CNTNAP5: variants seen among roughly 807,000 people sequenced by gnomAD.
CNTNAP5 encodes contactin-associated protein-like 5.
A neutral mutation model predicts 150.2 loss-of-function variants in CNTNAP5; 72 were observed. That is an observed-to-expected ratio of 0.48 (90% CI 0.40 to 0.58). The LOEUF is 0.58. CNTNAP5 is among the 20% of genes least tolerant of loss of function. The pLI is 0.00. For missense variants in CNTNAP5, 1,636 were observed against 1,626.2 expected, an observed-to-expected ratio of 1.01 and a Z score of -0.10; for synonymous variants, 672 against 619.8, an observed-to-expected ratio of 1.08 and a Z score of -1.25.
chr2:124,713,253 CTTTCT>C lies in CNTNAP5; in HGVS notation c.2078-33973_2078-33969del, dbSNP rs1467533955. Among the ~76,000 whole-genome samples, 38 of 97,464 alleles carry C rather than the reference CTTTCT, an allele frequency of 3.9e-4. 3 individuals are homozygous for C. The highest frequency in any genetic ancestry group is 6.9e-4 in the Non-Finnish European group (31 of 45,128). The allele number at this position is 97,464 out of a possible 152,430, so 63.9% of individuals were successfully genotyped here. A position where few individuals can be genotyped will look rare whatever the true frequency, so the allele number is the denominator to read the frequency against. ...TTTCTTTCTTTCTTTCTCTTTCTTT[CTTTCT>C]TTCTTTCTTTCTTTCTTTCTTTCTT... On this transcript the variant is annotated intron_variant, in intron 13 of 23. Coordinates refer to ENST00000682447, the MANE Select transcript of CNTNAP5 (RefSeq NM_001367498.1).
intron 19 of CNTNAP5, among the ~76,000 whole-genome samples, chr2:124,846,372 T>G (rs1294542003): frequency 6.6e-6 from 1 of 152,198 alleles, no homozygotes; most frequent in African/African-American, 2.4e-5. Flanking sequence ...ATTGGACTGC[T>G]GAGACTTTCC....
At chr2:124,083,283 G>T (rs1682600882) in intron 1 of CNTNAP5, among the ~76,000 whole-genome samples, 1 of 152,160 alleles carries the variant, frequency 6.6e-6, no homozygotes, top group Admixed American at 6.5e-5. Context: ...GAGAGGTGAG[G>T]TTGCAGTGCA....
intron 10 of CNTNAP5, among the ~76,000 whole-genome samples, chr2:124,534,852 C>T (rs1489826838): frequency 6.6e-6 from 1 of 152,184 alleles, no homozygotes; most frequent in Non-Finnish European, 1.5e-5. Flanking sequence ...TCTTGTGACA[C>T]CAGTCCTGTT....
At chr2:124,224,556 A>T (rs1276034423) in intron 2 of CNTNAP5, among the ~76,000 whole-genome samples, 1 of 151,980 alleles carries the variant, frequency 6.6e-6, no homozygotes, top group African/African-American at 2.4e-5. Context: ...ATACAGTCAG[A>T]GTCTGTCATA....
intron 1 of CNTNAP5, among the ~76,000 whole-genome samples, chr2:124,179,407 G>T (rs185576743): frequency 6.6e-6 from 1 of 152,046 alleles, no homozygotes; most frequent in East Asian, 1.9e-4. Context: ...TGATCTGCCC[G>T]CCTTGACCTC....
intron 1 of CNTNAP5, among the ~76,000 whole-genome samples, chr2:124,130,710 T>A (rs1683823870): frequency 6.6e-6 from 1 of 152,064 alleles, no homozygotes; most frequent in Admixed American, 6.6e-5. Context: ...TTATATTTAA[T>A]TATTTCAAGG....
At chr2:124,730,718 T>A (rs1365230916) in intron 13 of CNTNAP5, among the ~76,000 whole-genome samples, 5 of 152,140 alleles carry the variant, frequency 3.3e-5, no homozygotes, top group African/African-American at 1.2e-4. Flanking sequence ...ATTTCATATA[T>A]TTTATGATTG....
intron 11 of CNTNAP5, among the ~76,000 whole-genome samples, chr2:124,570,166 C>T (rs1351082433): frequency 2.0e-5 from 3 of 152,150 alleles, no homozygotes; most frequent in Non-Finnish European, 4.4e-5. Context: ...GATATCCACT[C>T]TTTGATGTAT....
intron 22 of CNTNAP5, among the ~76,000 whole-genome samples, chr2:124,904,153 T>G (rs2264250): frequency 6.6e-6 from 1 of 151,394 alleles, no homozygotes; most frequent in Non-Finnish European, 1.5e-5. Flanking sequence ...ACACACCAGC[T>G]CCTGACAACC....
At chr2:124,470,711 T>C (rs1421720977) in intron 6 of CNTNAP5, among the ~76,000 whole-genome samples, 1 of 152,202 alleles carries the variant, frequency 6.6e-6, no homozygotes, top group Non-Finnish European at 1.5e-5. Context: ...GTTTTACATT[T>C]AAGTCTTTAA....
intron 1 of CNTNAP5, among the ~76,000 whole-genome samples, chr2:124,216,360 G>GT (rs961591709): frequency 9.9e-5 from 15 of 151,244 alleles, no homozygotes; most frequent in Middle Eastern, 3.4e-3. Context: ...TTGCATCAGA[G>GT]TTTTTTTTTA....
At chr2:124,329,228 G>T (rs1000159719) in intron 3 of CNTNAP5, among the ~76,000 whole-genome samples, 14 of 152,130 alleles carry the variant, frequency 9.2e-5, no homozygotes, top group African/African-American at 3.1e-4. Flanking sequence ...CATAGATAAA[G>T]TCTCCCAGGT....
At chr2:124,619,198 G>T (rs1677552058) in intron 12 of CNTNAP5, among the ~76,000 whole-genome samples, 1 of 152,122 alleles carries the variant, frequency 6.6e-6, no homozygotes, top group Non-Finnish European at 1.5e-5. Flanking sequence ...AATCTAATTG[G>T]GTCGGTAGGG....
At chr2:124,285,180 T>TATTCG (rs1688116718) in intron 3 of CNTNAP5, among the ~76,000 whole-genome samples, 2 of 152,218 alleles carry the variant, frequency 1.3e-5, no homozygotes, top group Non-Finnish European at 2.9e-5. Flanking sequence ...TTCTCTTCAC[T>TATTCG]GATAGTTATT....
chr2:124,135,992 A>G (rs1038472109), intron 1 of CNTNAP5, among the ~76,000 whole-genome samples: 3 of 152,148 alleles, frequency 2.0e-5, no homozygotes, highest in African/African-American at 7.2e-5. Flanking sequence ...TGAACCTTAA[A>G]TCTAGGTGAA....
chr2:124,463,415 C>A (rs1003952077), intron 6 of CNTNAP5, among the ~76,000 whole-genome samples: 3 of 152,038 alleles, frequency 2.0e-5, no homozygotes, highest in African/African-American at 7.2e-5. Flanking sequence ...TAAGGACAAC[C>A]AAAACAATAA....
intron 17 of CNTNAP5, among the ~76,000 whole-genome samples, chr2:124,774,324 A>G (rs560977702): frequency 6.6e-6 from 1 of 152,188 alleles, no homozygotes; most frequent in East Asian, 1.9e-4. Context: ...AGGTTTGTGC[A>G]ACTTTTAGCT....
At chr2:124,813,498 A>G (rs1190816932) in intron 19 of CNTNAP5, among the ~76,000 whole-genome samples, 1 of 151,476 alleles carries the variant, frequency 6.6e-6, no homozygotes, top group Non-Finnish European at 1.5e-5. Context: ...CCAAATCTAT[A>G]TGCCTAGCTT....
At chr2:124,270,378 C>A (rs1308834629) in intron 3 of CNTNAP5, among the ~76,000 whole-genome samples, 1 of 152,088 alleles carries the variant, frequency 6.6e-6, no homozygotes, top group Non-Finnish European at 1.5e-5. Flanking sequence ...GGGAGCTTAG[C>A]AGTGATTCTG....
Sources: allele counts gnomAD v4.1 joint callset (sites outside exome capture counted in the v4.1 genomes callset), GRCh38; gene constraint gnomAD v4.1.1; transcripts MANE v1.5; gene names NCBI Gene and HGNC (gene_info 2026-07-23, HGNC 2026-07-21).